The following OBSL1 variants were observed in gnomAD, a reference collection of about 807,000 sequenced individuals.
The protein encoded by OBSL1 is obscurin-like protein 1.
A neutral mutation model predicts 172.0 loss-of-function variants in OBSL1; 160 were observed. The observed-to-expected ratio is 0.93, with a 90% CI of 0.82 to 1.06. The LOEUF (loss-of-function observed/expected upper bound fraction) is 1.06, where lower values mean the gene tolerates loss of function less well. OBSL1 is among the 50% of genes least tolerant of loss of function. OBSL1 has a pLI of 0.00. For missense variants in OBSL1, 2,681 were observed against 2,715.4 expected (o/e 0.99, Z 0.28); for synonymous variants, 1,200 against 1,196.3 (o/e 1.00, Z -0.06).
chr2:219,552,269 G>C, intron 18 of OBSL1, 53 bp from the exon 19 acceptor site: 1 of 1,503,942 alleles, frequency 6.6e-7, no homozygotes, highest in Non-Finnish European at 9.0e-7. Context: ...AGGAGCGTTG[G>C]GGACGAAGGT....
chr2:219,562,076 G>A, intron 8 of OBSL1: 1 of 706,536 alleles, frequency 1.4e-6, no homozygotes, highest in East Asian at 2.7e-5. Flanking sequence ...GCGACCCCTG[G>A]TTAACAGCTG....
chr2:219,554,772 A>G (rs1172252441), intron 14 of OBSL1, 32 bp from the exon 15 acceptor site: 2 of 1,515,856 alleles, frequency 1.3e-6, no homozygotes, highest in Non-Finnish European at 8.9e-7. Flanking sequence ...AGGGAGGATG[A>G]GGCCTCCAGC....
In OBSL1 at chr2:219,570,694, T is replaced by A; in HGVS notation, c.539A>T (p.Gln180Leu). ...EVWDSSHFAL[Q>L]PGRAEDGPGA... ...GGGGCCGTCCTCGGCGCGGCCCGGC[T>A]GGAGCGCGAAGTGGCTGCTGTCCCA... Residue 180 changes from glutamine to leucine, a missense_variant, in exon 1 of 21, where the codon CAG (glutamine) becomes CTG (leucine). Transcript: ENST00000404537. 6.6e-7 allele frequency: 1 copy of A among 1,509,492 alleles called. No homozygotes were observed. The highest frequency in any genetic ancestry group is 8.8e-7 in the Non-Finnish European group (1 of 1,135,418). The allele number at this position is 1,509,492 out of a possible 1,614,324, so 93.5% of individuals were successfully genotyped here.
chr2:219,559,083 A>T, intron 9 of OBSL1, 142 bp downstream of exon 9: 1 of 777,406 alleles, frequency 1.3e-6, no homozygotes, highest in Non-Finnish European at 2.0e-6. Context: ...TGATGTGGCT[A>T]AGCAGGATTC....
At chr2:219,561,466 G>A (rs1194779327) in intron 8 of OBSL1, among the ~76,000 whole-genome samples, 1 of 152,100 alleles carries the variant, frequency 6.6e-6, no homozygotes, top group African/African-American at 2.4e-5. Context: ...AGCACTTCCT[G>A]TTGCCTGGCC....
Position 219,571,259 on chromosome 2 carries a change from G to T in OBSL1, c.-27C>A. On this transcript the variant is annotated 5_prime_UTR_variant, in exon 1 of 21. Coordinates refer to ENST00000404537, the MANE Select transcript of OBSL1 (RefSeq NM_015311.3). ...GCGGCGGCCGACCGCCTGCAGCGGC[G>T]AACGGTGGGGGGGCAGGGGGGGGTG... 3.3e-6 allele frequency: 4 copies of T among 1,204,550 alleles called. No homozygotes were observed. Among genetic ancestry groups the T allele is most frequent in the Admixed American group, 3.8e-5 (1 of 26,166 alleles). 74.6% of individuals were successfully genotyped at this position (1,204,550 alleles called of 1,614,324 possible).
chr2:219,568,524 A>G lies in OBSL1; in HGVS notation c.1013-200T>C, dbSNP rs544042691. On this transcript the variant is annotated intron_variant, in intron 1 of 20. Coordinates refer to ENST00000404537, the MANE Select transcript of OBSL1 (RefSeq NM_015311.3). This position sits in a 1 kb window ranked among gnomAD's most constrained non-coding sequence, Gnocchi z 4.1. The stretch of plus-strand genomic sequence containing the variant: ...TTCTCATCCAGCCCTGACACTAGCC[A>G]CATCACCTTAAGCAAGTCCATTTCA... Among the ~76,000 whole-genome samples the G allele has an allele frequency of 9.2e-5, 14 of 152,336 alleles. No individual in the cohort carries two copies. The East Asian group carries it at 1.5e-3, about 17-fold the overall frequency.
Position 219,560,711 on chromosome 2 carries a change from G to C in OBSL1, c.2954-1214C>G, listed in dbSNP as rs372636574. Among the ~76,000 whole-genome samples the C allele has an allele frequency of 7.2e-5, 11 of 152,308 alleles. No homozygotes were observed. In the East Asian group the frequency reaches 1.9e-3, roughly 27 times the overall value. ...CAGCCTCCACGGAGACTCCTGCCTT[G>C]AGCCACACAACCCACCTCCCCCATG... On this transcript the variant is annotated intron_variant, in intron 8 of 20. Transcript: ENST00000404537.
chr2:219,547,626 CGGGCATCGCTCT>C (rs1559126987), downstream of OBSL1: 1 of 1,513,514 alleles, frequency 6.6e-7, no homozygotes, highest in South Asian at 1.3e-5. Context: ...GGGGCGAGCG[CGGGCATCGCTCT>C]GGGCATCGGG....
At position 219,567,839 on chromosome 2, in the gene OBSL1, G is replaced by A. The variant is rs1294145402; in HGVS notation, c.1413C>T (p.Ile471=). The A allele has an allele frequency of 6.2e-7, 1 of 1,613,990 alleles. No homozygotes were observed. Among genetic ancestry groups the A allele is most frequent in the South Asian group, 1.1e-5 (1 of 91,092 alleles). Residue 471 remains isoleucine (I), a synonymous_variant, in exon 3 of 21, where the codon ATC becomes ATT. Coordinates refer to ENST00000404537, the MANE Select transcript of OBSL1 (RefSeq NM_015311.3). ...GCATGTGGCCTGAGCTGCTCTGGCAGATGACCGGCAGCTCCTCCCCATCAC... is the reference window on the plus strand; with the variant it reads ...GCATGTGGCCTGAGCTGCTCTGGCAAATGACCGGCAGCTCCTCCCCATCAC... ...WSRDGEELPV[I]CQSSSGHMHA...
chr2:219,569,310 C>G (rs1406055851), intron 1 of OBSL1: 1 of 152,166 alleles, frequency 6.6e-6, no homozygotes, highest in African/African-American at 2.4e-5. Context: ...GGGCAACATG[C>G]TTGACTGCAT....
chr2:219,561,790 T>A (rs1696489239), intron 8 of OBSL1: 3 of 699,402 alleles, frequency 4.3e-6, no homozygotes, highest in African/African-American at 1.8e-5. Flanking sequence ...GGGGCCAGGT[T>A]AGGTTAGCGG....
chr2:219,561,795 T>A (rs776350800), intron 8 of OBSL1: 2 of 702,472 alleles, frequency 2.8e-6, no homozygotes, highest in Non-Finnish European at 5.3e-6. Context: ...CAGGTTAGGT[T>A]AGCGGCTGAA....
chr2:219,563,120 T>C, intron 7 of OBSL1: 1 of 528,396 alleles, frequency 1.9e-6, no homozygotes, highest in Non-Finnish European at 3.3e-6. Flanking sequence ...TTGGTACAGG[T>C]TTTCAGGAGA....
intron 12 of OBSL1, 81 bp from the exon 13 acceptor site, chr2:219,556,804 C>T: frequency 1.4e-6 from 2 of 1,420,448 alleles, no homozygotes; most frequent in Non-Finnish European, 1.9e-6. Context: ...GATGCAGGCC[C>T]TCGTCCCCAG....
chr2:219,549,928 C>T, downstream of OBSL1: 1 of 1,566,204 alleles, frequency 6.4e-7, no homozygotes, highest in Admixed American at 1.7e-5. Flanking sequence ...TGCCACTCAG[C>T]CTCCTGGCTT....
chr2:219,548,169 C>A, downstream of OBSL1: 3 of 1,224,120 alleles, frequency 2.5e-6, no homozygotes, highest in South Asian at 1.6e-5. Context: ...TGGGGGACAG[C>A]AGCAGAAGGC....
rs1238652219 is a variant in OBSL1, at chr2:219,563,467, C to T, written c.2568G>A (p.Glu856=). Residue 856 remains glutamate (E), a synonymous_variant, in exon 7 of 21, where the codon GAG becomes GAA. Transcript: ENST00000404537. ...EVEESDFVVL[E]NEGPHRRLVL... is the part of the protein sequence containing the mutation. The stretch of plus-strand genomic sequence containing the variant: ...CCAGGCGGCGATGGGGCCCCTCATT[C>T]TCCAGCACCACGAAGTCACTCTCCT... The T allele has an allele frequency of 1.2e-6, 2 of 1,613,962 alleles. No homozygotes were observed. The highest frequency in any genetic ancestry group is 2.2e-5 in the South Asian group (2 of 91,086).
chr2:219,559,566 A>G (rs550403622), intron 8 of OBSL1, 69 bp from the exon 9 acceptor site: 1 of 1,430,566 alleles, frequency 7.0e-7, no homozygotes, highest in Non-Finnish European at 9.7e-7. Context: ...ATTCGGCAGC[A>G]TGAAGTCCCT....
Sources: allele counts gnomAD v4.1 joint callset (sites outside exome capture counted in the v4.1 genomes callset), GRCh38; gene constraint gnomAD v4.1.1; non-coding constraint Gnocchi (gnomAD v3.1); transcripts MANE v1.5; gene names NCBI Gene and HGNC (gene_info 2026-07-23, HGNC 2026-07-21).